Variants in TDRD9 observed in about 807,000 individuals in gnomAD.
TDRD9 encodes tudor domain containing 9, also known as ATP-dependent RNA helicase TDRD9.
TDRD9 carries 124 observed loss-of-function variants against 172.6 expected under a neutral mutation model. That is an observed-to-expected ratio of 0.72 (90% CI 0.62 to 0.83). TDRD9 has a LOEUF of 0.83. Among genes scored for constraint, TDRD9 ranks in the 40% least tolerant of loss-of-function variants. The probability of loss-of-function intolerance (pLI) is 0.00; values close to 1 mark genes in which losing one functional copy is unlikely to be tolerated. For missense variants in TDRD9, 1,479 were observed against 1,714.1 expected, an observed-to-expected ratio of 0.86 and a Z score of 2.42; for synonymous variants, 619 against 617.1, an observed-to-expected ratio of 1.00 and a Z score of -0.05.
intron 2 of TDRD9, among the ~76,000 whole-genome samples, chr14:103,961,075 T>A (rs1159912379): frequency 1.3e-5 from 2 of 152,162 alleles, no homozygotes; most frequent in Non-Finnish European, 2.9e-5. Context: ...GCCTTCTTTC[T>A]CTCAGTCCAG....
At chr14:104,026,642 A>T in intron 27 of TDRD9, 37 bp from the exon 28 acceptor site, 2 of 1,603,592 alleles carry the variant, frequency 1.2e-6, no homozygotes, top group Non-Finnish European at 1.7e-6. Flanking sequence ...TTGCTTATTT[A>T]TAAAGCTGTT....
At chr14:104,032,744 T>C (rs200119320) in intron 30 of TDRD9, among the ~76,000 whole-genome samples, 3 of 152,200 alleles carry the variant, frequency 2.0e-5, no homozygotes, top group Non-Finnish European at 4.4e-5. Context: ...GTTGTTTGTC[T>C]TCATGAAAAT....
Position 104,025,699 on chromosome 14 carries a change from C to G in TDRD9, c.2854C>G (p.Leu952Val). 6.2e-7 allele frequency: 1 copy of G among 1,614,032 alleles called. No homozygotes were observed. The highest frequency in any genetic ancestry group is 1.1e-5 in the South Asian group (1 of 91,090). ...PTHPHPDLVC[L>V]APFADFDKQR... Reference sequence around the variant, plus strand: ...TCACCCACATCCAGACTTGGTCTGTCTGGCACCTTTTGCTGATTTTGATAA... The same window carrying G: ...TCACCCACATCCAGACTTGGTCTGTGTGGCACCTTTTGCTGATTTTGATAA... Residue 952 changes from leucine to valine, a missense_variant, in exon 26 of 36, where the codon CTG (leucine) becomes GTG (valine). By Grantham distance (32) the Leu-to-Val change is conservative. This residue lies in a region of TDRD9 where 1,413 missense variants were observed against 1,649.1 expected (regional missense o/e 0.86). Transcript: ENST00000409874.
chr14:103,931,579 G>T (rs2030391717), intron 1 of TDRD9, among the ~76,000 whole-genome samples: 1 of 152,130 alleles, frequency 6.6e-6, no homozygotes, highest in African/African-American at 2.4e-5. Flanking sequence ...ATTCTTTCAT[G>T]ATTTTGTAGA....
At chr14:103,990,922 A>C (rs900944100) in intron 8 of TDRD9, among the ~76,000 whole-genome samples, 3 of 152,216 alleles carry the variant, frequency 2.0e-5, no homozygotes, top group African/African-American at 7.2e-5. Context: ...GCAGATAGTA[A>C]GTTTTGATAG....
chr14:103,945,374 C>T (rs2031505132), intron 1 of TDRD9: 1 of 152,206 alleles, frequency 6.6e-6, no homozygotes, highest in Non-Finnish European at 1.5e-5. Context: ...ACCAATTTTT[C>T]TAGTACTTAG....
At chr14:104,030,874 T>C (rs1295282398) in intron 28 of TDRD9, among the ~76,000 whole-genome samples, 1 of 152,126 alleles carries the variant, frequency 6.6e-6, no homozygotes, top group East Asian at 1.9e-4. Flanking sequence ...ATATACCTAA[T>C]GCTAAATGAC....
rs766960484 is a variant in TDRD9, at chr14:103,986,244, G to T, written c.1039G>T (p.Val347Leu). The change falls in exon 8 of 36, where the codon GTG becomes TTG. Residue 347 changes from valine (V) to leucine (L), a missense_variant. Val to Leu is a conservative substitution (Grantham distance 32, BLOSUM62 1). Coordinates refer to ENST00000409874, the MANE Select transcript of TDRD9 (RefSeq NM_153046.3). ...KLSPHLLEEPVITKDIYEVAV... is the reference protein window; with the variant it reads ...KLSPHLLEEPLITKDIYEVAV... ...CTCTCCTCATCTCCTGGAGGAACCG[G>T]TGATAACTAAGGATATATATGAAGT... 2 of 1,613,008 alleles carry T rather than the reference G, an allele frequency of 1.2e-6. No individual in the cohort carries two copies. Among genetic ancestry groups the T allele is most frequent in the South Asian group, 1.1e-5 (1 of 90,842 alleles).
intron 33 of TDRD9, among the ~76,000 whole-genome samples, chr14:104,041,792 A>T (rs987829777): frequency 2.0e-5 from 3 of 152,200 alleles, no homozygotes; most frequent in African/African-American, 7.2e-5. Context: ...TATGAAGTTA[A>T]GCCTGCATCT....
chr14:104,005,558 T>C (rs940063811), intron 15 of TDRD9, among the ~76,000 whole-genome samples, 153 bp downstream of exon 15: 1 of 152,158 alleles, frequency 6.6e-6, no homozygotes, highest in Non-Finnish European at 1.5e-5. Context: ...TCCCGCTAAC[T>C]CTGTTCCTCC....
rs545905924 is a variant in TDRD9 at position 104,026,230 on chromosome 14, C to T, written c.3021+94C>T. On this transcript the variant is annotated intron_variant, in intron 27 of 35. Coordinates refer to ENST00000409874, the MANE Select transcript of TDRD9 (RefSeq NM_153046.3). ...TCATATGGTGCCCTGCCTCGGCTTA[C>T]AGCTAGGGGAGCCAAGGCCCAGGAC... 3.8e-5 allele frequency: 33 copies of T among 873,248 alleles called. No homozygotes were observed. The African/African-American group carries it at 5.0e-4, about 13-fold the overall frequency. 54.1% of individuals were successfully genotyped at this position (873,248 alleles called of 1,614,324 possible).
intron 21 of TDRD9, 29 bp downstream of exon 21, chr14:104,014,870 T>C: frequency 7.4e-7 from 1 of 1,355,534 alleles, no homozygotes; most frequent in East Asian, 2.3e-5. Flanking sequence ...GATATTTTTT[T>C]TCCTGATTCT....
chr14:103,959,369 A>T (rs961226717), intron 2 of TDRD9, among the ~76,000 whole-genome samples: 2 of 151,984 alleles, frequency 1.3e-5, no homozygotes, highest in African/African-American at 4.8e-5. Flanking sequence ...AATAGCTGGG[A>T]CTGTAAACAT....
chr14:103,958,043 G>A (rs1394798415), intron 2 of TDRD9, among the ~76,000 whole-genome samples: 1 of 152,148 alleles, frequency 6.6e-6, no homozygotes, highest in Non-Finnish European at 1.5e-5. Flanking sequence ...TTATCAAGGT[G>A]TGTTCCAGGG....
chr14:104,041,993 G>A (rs1240760898), intron 33 of TDRD9, 76 bp from the exon 34 acceptor site: 4 of 985,622 alleles, frequency 4.1e-6, no homozygotes, highest in South Asian at 1.4e-5. Context: ...AACTCTGAAT[G>A]CTATGAATTC....
At position 103,943,508 on chromosome 14, in the gene TDRD9, T is replaced by C. The variant is rs764893969; in HGVS notation, c.216-12156T>C. Among the ~76,000 whole-genome samples, 5 of 149,130 alleles carry C rather than the reference T, an allele frequency of 3.4e-5. No homozygotes were observed. The East Asian group carries it at 7.8e-4, about 23-fold the overall frequency. ...ATACACACATATATACACACACACA[T>C]ACATTTCTTTTTTTTTTTTTTTTGT... is the stretch of plus-strand genomic sequence containing the variant. On this transcript the variant is annotated intron_variant, in intron 1 of 35. Transcript: ENST00000409874.
At chr14:104,002,625 T>C (rs1006397615) in intron 13 of TDRD9, among the ~76,000 whole-genome samples, 3 of 152,238 alleles carry the variant, frequency 2.0e-5, no homozygotes, top group Admixed American at 2.0e-4. Context: ...TTATAGTCTT[T>C]TTACATATCT....
intron 5 of TDRD9, among the ~76,000 whole-genome samples, chr14:103,967,252 C>T (rs1024139656): frequency 3.4e-5 from 5 of 145,572 alleles, no homozygotes; most frequent in Admixed American, 7.2e-5. Flanking sequence ...CCTGTAATCC[C>T]GATACTCTGG....
intron 6 of TDRD9, among the ~76,000 whole-genome samples, chr14:103,971,657 T>C (rs1198125208): frequency 6.6e-6 from 1 of 152,160 alleles, no homozygotes; most frequent in Non-Finnish European, 1.5e-5. Flanking sequence ...TTAAAATTCA[T>C]GATCATGTGT....
Sources: gnomAD v4.1 joint callset for allele counts (sites outside exome capture counted in the v4.1 genomes callset) on GRCh38, gnomAD v4.1.1 for gene constraint, gnomAD v4.1.1 regional missense constraint, MANE v1.5 for transcripts, NCBI Gene and HGNC (gene_info 2026-07-23, HGNC 2026-07-21) for gene names.